The following ESRRB variants were observed in gnomAD, a reference collection of about 807,000 sequenced individuals.
ESRRB encodes steroid hormone receptor ERR2.
ESRRB carries 16 observed loss-of-function variants against 46.0 expected under a neutral mutation model. The observed-to-expected ratio is 0.35, with a 90% CI of 0.24 to 0.53. ESRRB has a LOEUF of 0.53. Ranked by LOEUF, ESRRB falls within the 20% of genes least tolerant of loss-of-function variation. ESRRB has a pLI of 0.93. For missense variants in ESRRB, 488 were observed against 607.4 expected (o/e 0.80, Z 2.07); for synonymous variants, 246 against 259.6 (o/e 0.95, Z 0.50).
intron 1 of ESRRB, among the ~76,000 whole-genome samples, chr14:76,329,382 G>C (rs766528126): frequency 6.6e-6 from 1 of 152,254 alleles, no homozygotes; most frequent in East Asian, 1.9e-4. Flanking sequence ...CCTCTGCAGG[G>C]AGCTGGGAGG....
At chr14:76,470,238 C>T (rs1199690473) in intron 3 of ESRRB, among the ~76,000 whole-genome samples, 1 of 152,208 alleles carries the variant, frequency 6.6e-6, no homozygotes, top group Non-Finnish European at 1.5e-5. Context: ...GCATGAGCTA[C>T]TGCTCCAGGC....
chr14:76,403,920 C>T lies in ESRRB; in HGVS notation c.50+27469C>T, dbSNP rs147155678. Among the ~76,000 whole-genome samples the T allele has an allele frequency of 3.1e-4, 47 of 152,044 alleles. No individual in the cohort carries two copies. In the East Asian group the frequency reaches 7.4e-3, roughly 24 times the overall value. On this transcript the variant is annotated intron_variant, in intron 1 of 6. Transcript: ENST00000644823. ...TTTTAGTAGAGATGGGGTTTCACCACGTTGGCCAGGCTGGTCCCGAACTCC... is the reference window on the plus strand; with the variant it reads ...TTTTAGTAGAGATGGGGTTTCACCATGTTGGCCAGGCTGGTCCCGAACTCC...
chr14:76,490,667 C>T (rs890757425), intron 5 of ESRRB, among the ~76,000 whole-genome samples: 15 of 151,812 alleles, frequency 9.9e-5, no homozygotes, highest in Non-Finnish European at 2.2e-4. Context: ...GTTCTGGAGC[C>T]TTCTCCATGC....
chr14:76,432,614 T>C (rs1887498800), intron 1 of ESRRB, among the ~76,000 whole-genome samples: 1 of 127,466 alleles, frequency 7.8e-6, no homozygotes, highest in East Asian at 2.9e-4. Flanking sequence ...TACAAACTTC[T>C]CATCTGTACA....
At chr14:76,475,454 A>G (rs1889544695) in intron 3 of ESRRB, among the ~76,000 whole-genome samples, 1 of 152,002 alleles carries the variant, frequency 6.6e-6, no homozygotes, top group Non-Finnish European at 1.5e-5. Flanking sequence ...TCCTTAGCGT[A>G]GTGTTTTTAA....
At chr14:76,405,910 C>T (rs919381296) in intron 1 of ESRRB, among the ~76,000 whole-genome samples, 1 of 151,962 alleles carries the variant, frequency 6.6e-6, no homozygotes, top group Non-Finnish European at 1.5e-5. Context: ...CAGAGTGAGA[C>T]CCTGTCTCAG....
chr14:76,459,910 G>T (rs1411343684), intron 2 of ESRRB, among the ~76,000 whole-genome samples: 1 of 152,002 alleles, frequency 6.6e-6, no homozygotes, highest in African/African-American at 2.4e-5. Context: ...AGAGGGAGAG[G>T]GGGAGAGAGG....
At chr14:76,325,779 G>A (rs1883922754) in intron 1 of ESRRB, among the ~76,000 whole-genome samples, 1 of 152,218 alleles carries the variant, frequency 6.6e-6, no homozygotes, top group Non-Finnish European at 1.5e-5. Context: ...ACACTGGAGT[G>A]GCTGAAGGGG....
rs541225453 is a variant in ESRRB, at chr14:76,346,494, G to A, written c.2+35578G>A. ...CAGGAGGCAGAGAGCATAGGGGTCT[G>A]CAGGTTGCTTTTGTCTGCTGGAGGG... On this transcript the variant is annotated intron_variant, in intron 1 of 6. Transcript: ENST00000512784. 3.9e-5 allele frequency among the ~76,000 whole-genome samples: 6 copies of A among 152,352 alleles called. No homozygotes were observed. In the South Asian group the frequency reaches 1.2e-3, roughly 32 times the overall value.
At chr14:76,429,758 T>C (rs1332232439) in intron 1 of ESRRB, among the ~76,000 whole-genome samples, 1 of 151,004 alleles carries the variant, frequency 6.6e-6, no homozygotes, top group African/African-American at 2.4e-5. Flanking sequence ...CTCAAAAAAA[T>C]AATAAAAATA....
intron 2 of ESRRB, among the ~76,000 whole-genome samples, chr14:76,447,750 G>A (rs1467095589): frequency 6.6e-6 from 1 of 151,984 alleles, no homozygotes; most frequent in Non-Finnish European, 1.5e-5. Context: ...ACATCCCAGT[G>A]GCCAAGTCTT....
chr14:76,360,895 TC>T (rs1250120436), intron 1 of ESRRB, among the ~76,000 whole-genome samples: 1 of 151,772 alleles, frequency 6.6e-6, no homozygotes, highest in East Asian at 1.9e-4. Context: ...CTTACTCATT[TC>T]CCCCCGGCCA....
intron 3 of ESRRB, among the ~76,000 whole-genome samples, chr14:76,469,948 T>G (rs866236338): frequency 1.5e-5 from 2 of 130,786 alleles, no homozygotes; most frequent in Non-Finnish European, 3.2e-5. Context: ...TTTTTTCTTT[T>G]TTTTTTTTTT....
rs1884070069 is a variant in ESRRB at position 76,333,129 on chromosome 14, TATATATTATATATTATATATTATATATA to T, written c.2+22220_2+22247del. ...AATATATAATATATAATATATATAT[TATATATTATATATTATATATTATATATA>T]ATATATATTATATATACTATATATA... On this transcript the variant is annotated intron_variant, in intron 1 of 6. Coordinates refer to the ESRRB transcript ENST00000512784. Among the ~76,000 whole-genome samples the T allele has an allele frequency of 4.8e-4, 5 of 10,458 alleles. 1 individual carries two copies. The highest frequency in any genetic ancestry group is 8.3e-4 in the Non-Finnish European group (5 of 6,024). The allele number at this position is 10,458 out of a possible 152,430, so 6.9% of individuals were successfully genotyped here. A position where few individuals can be genotyped will look rare whatever the true frequency, so the allele number is the denominator to read the frequency against.
At chr14:76,478,091 G>A (rs1348627258) in intron 3 of ESRRB, among the ~76,000 whole-genome samples, 6 of 152,196 alleles carry the variant, frequency 3.9e-5, no homozygotes, top group Admixed American at 3.9e-4. Context: ...CTGGGGAACA[G>A]TAATAATAAG....
At position 76,448,502 on chromosome 14, in the gene ESRRB, A is replaced by ATT. The variant is rs57449056; in HGVS notation, c.460+8764_460+8765dup. 2.4e-3 allele frequency among the ~76,000 whole-genome samples: 344 copies of ATT among 144,516 alleles called. 3 individuals carry two copies. In the Middle Eastern group the frequency reaches 0.032, roughly 14 times the overall value. 94.8% of individuals were successfully genotyped at this position (144,516 alleles called of 152,430 possible). Reference sequence around the variant, plus strand: ...CACCACCATGCCTGGCTAATTTTGTATTTTTTTTTTTTTAGTAGAGACGGG... The same window carrying ATT: ...CACCACCATGCCTGGCTAATTTTGTATTTTTTTTTTTTTTTAGTAGAGACGGG... On this transcript the variant is annotated intron_variant, in intron 2 of 6. Transcript: ENST00000644823.
chr14:76,401,356 G>T (rs1295005375), intron 1 of ESRRB, among the ~76,000 whole-genome samples: 1 of 152,220 alleles, frequency 6.6e-6, no homozygotes, highest in Non-Finnish European at 1.5e-5. Context: ...TCTGGGCAGT[G>T]GGTGGGGAGT....
intron 2 of ESRRB, among the ~76,000 whole-genome samples, chr14:76,450,512 A>G (rs1888341514): frequency 6.6e-6 from 1 of 152,180 alleles, no homozygotes; most frequent in Non-Finnish European, 1.5e-5. Flanking sequence ...TGCACAGGCC[A>G]CTGGGAGTCT....
At chr14:76,462,207 G>A (rs1054815617) in intron 2 of ESRRB, among the ~76,000 whole-genome samples, 6 of 152,126 alleles carry the variant, frequency 3.9e-5, no homozygotes, top group Non-Finnish European at 8.8e-5. Flanking sequence ...CTGCACTAAT[G>A]TTCTGGTCAG....
Sources: gnomAD v4.1 joint callset for allele counts (sites outside exome capture counted in the v4.1 genomes callset) on GRCh38, gnomAD v4.1.1 for gene constraint, MANE v1.5 for transcripts, NCBI Gene and HGNC (gene_info 2026-07-23, HGNC 2026-07-21) for gene names.